Variants in ZAN observed in about 807,000 individuals in gnomAD.
The protein encoded by ZAN is zonadhesin.
A neutral mutation model predicts 286.2 loss-of-function variants in ZAN; 260 were observed. That is an observed-to-expected ratio of 0.91 (90% confidence interval 0.82 to 1.01). The LOEUF is 1.01. Ranked by LOEUF, ZAN falls within the 50% of genes least tolerant of loss-of-function variation. The probability of loss-of-function intolerance (pLI) is 0.00; values close to 1 mark genes in which losing one functional copy is unlikely to be tolerated. For synonymous variants in ZAN, 1,368 were observed against 1,417.5 expected, an observed-to-expected ratio of 0.97 and a Z score of 0.79; for missense variants, 3,410 against 3,639.2, an observed-to-expected ratio of 0.94 and a Z score of 1.62.
At position 100,772,875 on chromosome 7, in the gene ZAN, T is replaced by A. The variant is rs1584604972; in HGVS notation, c.5426-410T>A. On this transcript the variant is annotated intron_variant, in intron 29 of 47. Transcript: ENST00000613979. ...TTTATGTCTGTTTTTTTTTTGTTTG[T>A]TTTTTTTTTTTTTTGCTTTTGAGAG... Among the ~76,000 whole-genome samples, 4 of 133,424 alleles carry A rather than the reference T, an allele frequency of 3.0e-5. No homozygotes were observed. The South Asian group carries it at 1.0e-3, about 34-fold the overall frequency. The allele number at this position is 133,424 out of a possible 152,430, so 87.5% of individuals were successfully genotyped here.
intron 29 of ZAN, among the ~76,000 whole-genome samples, chr7:100,772,547 C>G (rs1048662158): frequency 6.6e-6 from 1 of 151,980 alleles, no homozygotes; most frequent in African/African-American, 2.4e-5. Context: ...TGTTGCCGGG[C>G]GCGGTGGCTC....
In ZAN at chr7:100,737,347, G is replaced by A. The variant is rs367593224; in HGVS notation, c.611G>A (p.Arg204His). The A allele has an allele frequency of 2.1e-5, 31 of 1,459,486 alleles. 2 individuals are homozygous for A. Among genetic ancestry groups the A allele is most frequent in the African/African-American group, 2.9e-5 (2 of 69,204 alleles). 90.4% of individuals were successfully genotyped at this position (1,459,486 alleles called of 1,614,324 possible). Residue 204 changes from arginine to histidine, a missense_variant and splice_region_variant, in exon 6 of 48, where the codon CGC becomes CAC. Arg to His is a conservative substitution (Grantham distance 29). Coordinates refer to ENST00000613979, the MANE Select transcript of ZAN (RefSeq NM_003386.3). Reference protein sequence around the residue: ...ALSIRRGSCNRVCMMQTCSFD... With the variant: ...ALSIRRGSCNHVCMMQTCSFD... The stretch of plus-strand genomic sequence containing the variant: ...TCTATCCGCCGGGGCTCCTGTAATC[G>A]CGGTGAGTCCCTGTCCCTCCTCCCG...
At chr7:100,761,796 G>A (rs1168039649) in intron 19 of ZAN, among the ~76,000 whole-genome samples, 1 of 151,560 alleles carries the variant, frequency 6.6e-6, no homozygotes, top group African/African-American at 2.4e-5. Flanking sequence ...AAAATTAGCT[G>A]GGCGTGGTGG....
Position 100,786,079 on chromosome 7 carries a change from G to A in ZAN, c.6917G>A (p.Cys2306Tyr), listed in dbSNP as rs1811546957. 1.2e-6 allele frequency: 2 copies of A among 1,613,910 alleles called. No individual in the cohort carries two copies. The highest frequency in any genetic ancestry group is 1.7e-5 in the Admixed American group (1 of 59,992). ...GCCATTCAGTGCGGGGACTTCCGAT[G>A]CCCCTCTGGGTCCCACTGCCAGCTC... ...GGAIQCGDFR[C>Y]PSGSHCQLTS... The change falls in exon 37 of 48, where the codon TGC (cysteine) becomes TAC (tyrosine). Residue 2306 changes from cysteine to tyrosine, a missense_variant. Around this residue, in one of 7 missense-constraint regions of ZAN, gnomAD observed 1,289 missense variants for 1,314.3 expected, o/e 0.98. Transcript: ENST00000613979.
chr7:100,767,744 C>T, intron 25 of ZAN, 87 bp from the exon 26 acceptor site: 1 of 1,456,806 alleles, frequency 6.9e-7, no homozygotes, highest in Non-Finnish European at 9.2e-7. Flanking sequence ...TCCCAAAGTG[C>T]TGGGTTTGCA....
intron 42 of ZAN, 55 bp downstream of exon 42, chr7:100,792,534 C>T (rs377715187): frequency 1.7e-5 from 28 of 1,608,652 alleles, no homozygotes; most frequent in Non-Finnish European, 2.3e-5. Flanking sequence ...GGCGGGACCG[C>T]ACCCTCTGCG....
intron 15 of ZAN, among the ~76,000 whole-genome samples, chr7:100,756,028 A>G (rs1293122496): frequency 6.6e-6 from 1 of 152,158 alleles, no homozygotes; most frequent in African/African-American, 2.4e-5. Context: ...TAGCTGGGAT[A>G]ACAGGCTCAC....
chr7:100,780,222 C>T (rs1811111227), intron 35 of ZAN, among the ~76,000 whole-genome samples: 1 of 151,400 alleles, frequency 6.6e-6, no homozygotes, highest in South Asian at 2.1e-4. Flanking sequence ...CTTTTAGTAT[C>T]TTGATAAAGT....
chr7:100,793,935 C>G lies in ZAN; in HGVS notation c.7903C>G (p.Gln2635Glu). The change falls in exon 43 of 48, where the codon CAG becomes GAG. Residue 2635 changes from glutamine to glutamate, a missense_variant. By Grantham distance (29) the Gln-to-Glu change is conservative. Coordinates refer to ENST00000613979, the MANE Select transcript of ZAN (RefSeq NM_003386.3). ...LRGPLRGRLR[Q>E]HPRLCLQWHP... ...AGGGCCCCTGCGTGGAAGGCTGCGC[C>G]AGCATCCCAGGCTATGCCTACAGTG... The G allele has an allele frequency of 6.2e-7, 1 of 1,613,966 alleles. No homozygotes were observed. Among genetic ancestry groups the G allele is most frequent in the Non-Finnish European group, 8.5e-7 (1 of 1,179,890 alleles).
chr7:100,770,860 A>G (rs930208277), intron 28 of ZAN, among the ~76,000 whole-genome samples: 13 of 151,688 alleles, frequency 8.6e-5, no homozygotes, highest in East Asian at 2.0e-4. Context: ...CTGGAGTGCA[A>G]TGGTGTGATC....
In ZAN at chr7:100,750,830, G is replaced by T; in HGVS notation, c.1455G>T (p.Gly485=). ...CGATTCCTCTCTGGAAACGCGTGGG[G>T]TCTCAGCGCCCTTACTGGCAGAACA... The part of the protein sequence containing the change: ...SPPIPLWKRV[G]SQRPYWQNTS... Residue 485 remains glycine, a synonymous_variant, in exon 12 of 48, where the codon GGG becomes GGT. Coordinates refer to ENST00000613979, the MANE Select transcript of ZAN (RefSeq NM_003386.3). The T allele has an allele frequency of 3.1e-6, 5 of 1,598,870 alleles. No homozygotes were observed. Among genetic ancestry groups the T allele is most frequent in the Non-Finnish European group, 3.4e-6 (4 of 1,171,114 alleles).
At chr7:100,767,525 G>A in intron 25 of ZAN, among the ~76,000 whole-genome samples, 1 of 143,736 alleles carries the variant, frequency 7.0e-6, no homozygotes. Context: ...ACCCAGGCTG[G>A]AGTGCAGTGG....
intron 19 of ZAN, among the ~76,000 whole-genome samples, chr7:100,761,949 T>A: frequency 7.9e-6 from 1 of 126,782 alleles, no homozygotes; most frequent in East Asian, 2.1e-4. Context: ...AAAAAAAGGA[T>A]AAATAAATAA....
chr7:100,757,640 A>C (rs186529234), intron 15 of ZAN, among the ~76,000 whole-genome samples: 1 of 151,846 alleles, frequency 6.6e-6, no homozygotes, highest in Admixed American at 6.6e-5. Context: ...CTGTAATCCC[A>C]GCTACTCTGG....
At chr7:100,790,048 C>T (rs1811835550) in intron 39 of ZAN, among the ~76,000 whole-genome samples, 1 of 151,814 alleles carries the variant, frequency 6.6e-6, no homozygotes, top group African/African-American at 2.4e-5. Flanking sequence ...CGCTTGAGGC[C>T]AGGCATTCGA....
chr7:100,795,332 G>A lies in ZAN; in HGVS notation c.8262G>A (p.Lys2754=). 1 of 1,585,362 alleles carries A rather than the reference G, an allele frequency of 6.3e-7. No individual in the cohort carries two copies. Among genetic ancestry groups the A allele is most frequent in the Non-Finnish European group, 8.6e-7 (1 of 1,163,610 alleles). ...CTCGAGATGCGCCACCTCCCAGAAA[G>A]CCAGGTGAGGGCATCGTCCAAGGCC... ...MEPRDAPPPR[K]PASNLVGVLL... is the part of the protein sequence containing the mutation. Residue 2754 remains lysine (K), a synonymous_variant, in exon 45 of 48, where the codon AAG becomes AAA. Transcript: ENST00000613979.
At chr7:100,759,949 G>A (rs1809436016) in intron 18 of ZAN, 104 bp downstream of exon 18, 1 of 1,457,836 alleles carries the variant, frequency 6.9e-7, no homozygotes, top group Non-Finnish European at 9.1e-7. Context: ...CAACAAGACA[G>A]TGACCTGCAA....
At position 100,768,658 on chromosome 7, in the gene ZAN, A is replaced by C. The variant is rs1415558640; in HGVS notation, c.5090A>C (p.Lys1697Thr). Reference protein sequence around the residue: ...SLDDNLRPDRKLAGDSMQLGA... With the variant: ...SLDDNLRPDRTLAGDSMQLGA... ...GATGACAACCTGCGCCCCGACAGAA[A>C]GCTTGCAGGCGATTCCATGCAGCTG... Residue 1697 changes from lysine (K) to threonine (T), a missense_variant, in exon 27 of 48, where the codon AAG becomes ACG. Lys to Thr is a moderately conservative substitution (Grantham distance 78). This residue lies in a region of ZAN where 1,042 missense variants were observed against 1,058.0 expected (regional missense o/e 0.98). Coordinates refer to ENST00000613979, the MANE Select transcript of ZAN (RefSeq NM_003386.3). The C allele has an allele frequency of 3.1e-6, 5 of 1,610,962 alleles. No homozygotes were observed. The African/African-American group carries it at 6.7e-5, about 22-fold the overall frequency.
chr7:100,746,159 G>A (rs547245666), intron 7 of ZAN, among the ~76,000 whole-genome samples: 1 of 152,034 alleles, frequency 6.6e-6, no homozygotes, highest in Non-Finnish European at 1.5e-5. Flanking sequence ...GCCCGGGGAG[G>A]TTGAGTCTGC....
Sources: gnomAD v4.1 joint callset for allele counts (sites outside exome capture counted in the v4.1 genomes callset) on GRCh38, gnomAD v4.1.1 for gene constraint, gnomAD v4.1.1 regional missense constraint, MANE v1.5 for transcripts, NCBI Gene and HGNC (gene_info 2026-07-23, HGNC 2026-07-21) for gene names.